Variants in CSMD1 observed in about 807,000 individuals in gnomAD.
The protein encoded by CSMD1 is CUB and sushi domain-containing protein 1.
CSMD1 carries 213 observed loss-of-function variants against 417.5 expected under a neutral mutation model. That is an observed-to-expected ratio of 0.51 (90% CI 0.46 to 0.57). The LOEUF is 0.57. Among genes scored for constraint, CSMD1 ranks in the 20% least tolerant of loss-of-function variants. The pLI is 0.00. For missense variants in CSMD1, 6,923 were observed against 4,529.7 expected (o/e 1.53, Z -15.17); for synonymous variants, 2,862 against 1,736.8 (o/e 1.65, Z -16.11).
At chr8:4,986,670 T>C (rs1811195236) in intron 1 of CSMD1, among the ~76,000 whole-genome samples, 3 of 152,050 alleles carry the variant, frequency 2.0e-5, no homozygotes, top group African/African-American at 7.2e-5. Flanking sequence ...CTCCCCATAA[T>C]ATAAACATTA....
intron 25 of CSMD1, among the ~76,000 whole-genome samples, chr8:3,291,200 T>G (rs1803531388): frequency 6.6e-6 from 1 of 152,186 alleles, no homozygotes; most frequent in Admixed American, 6.5e-5. Context: ...GGATAAACTT[T>G]TTGATGTATT....
At chr8:3,177,866 G>A (rs1585565240) in intron 37 of CSMD1, among the ~76,000 whole-genome samples, 1 of 142,034 alleles carries the variant, frequency 7.0e-6, no homozygotes, top group Non-Finnish European at 1.5e-5. Context: ...TCACACAGTT[G>A]CACTCTAAGA....
intron 26 of CSMD1, among the ~76,000 whole-genome samples, chr8:3,258,967 G>C (rs1800859352): frequency 6.6e-6 from 1 of 152,194 alleles, no homozygotes; most frequent in Non-Finnish European, 1.5e-5. Context: ...AAAAGGGAGA[G>C]GATCAGGAAA....
intron 25 of CSMD1, among the ~76,000 whole-genome samples, chr8:3,286,095 A>T (rs949172871): frequency 2.6e-5 from 4 of 151,896 alleles, no homozygotes; most frequent in Non-Finnish European, 5.9e-5. Flanking sequence ...TTTGTCCTTG[A>T]GATAGTTTGC....
chr8:4,711,614 A>G (rs1808303768), intron 1 of CSMD1, among the ~76,000 whole-genome samples: 1 of 152,190 alleles, frequency 6.6e-6, no homozygotes, highest in Non-Finnish European at 1.5e-5. Context: ...ATAGTCTGTA[A>G]GAGAATTATT....
At chr8:4,329,735 T>C (rs1799762600) in intron 3 of CSMD1, among the ~76,000 whole-genome samples, 1 of 152,176 alleles carries the variant, frequency 6.6e-6, no homozygotes, top group South Asian at 2.1e-4. Flanking sequence ...ATCTGGACTA[T>C]GGGAGCAGAT....
intron 3 of CSMD1, among the ~76,000 whole-genome samples, chr8:4,292,109 A>G (rs1375785300): frequency 6.6e-6 from 1 of 152,182 alleles, no homozygotes; most frequent in Admixed American, 6.5e-5. Flanking sequence ...AGGAACAATG[A>G]AGACCCTGGC....
chr8:3,289,157 C>G (rs1448709966), intron 25 of CSMD1, among the ~76,000 whole-genome samples: 4 of 147,544 alleles, frequency 2.7e-5, no homozygotes, highest in Non-Finnish European at 5.9e-5. Context: ...CACATGAACT[C>G]ATCATTTTTT....
chr8:3,553,880 A>G (rs889938617), intron 10 of CSMD1, among the ~76,000 whole-genome samples: 1 of 152,246 alleles, frequency 6.6e-6, no homozygotes, highest in Non-Finnish European at 1.5e-5. Flanking sequence ...GTACACATAC[A>G]TATCCACAAC....
At chr8:4,812,335 T>C (rs1442583258) in intron 1 of CSMD1, among the ~76,000 whole-genome samples, 1 of 152,206 alleles carries the variant, frequency 6.6e-6, no homozygotes, top group African/African-American at 2.4e-5. Context: ...CAAAGACAGA[T>C]GCTTCCAGTC....
chr8:3,333,019 C>G (rs1807009704), intron 23 of CSMD1, among the ~76,000 whole-genome samples: 1 of 152,192 alleles, frequency 6.6e-6, no homozygotes, highest in South Asian at 2.1e-4. Context: ...TGAGGGCTCC[C>G]CATGGCTTTG....
At chr8:4,635,221 T>C (rs1444429323) in intron 2 of CSMD1, among the ~76,000 whole-genome samples, 1 of 152,188 alleles carries the variant, frequency 6.6e-6, no homozygotes, top group Non-Finnish European at 1.5e-5. Context: ...AACATTCTGT[T>C]GTACATACAA....
At chr8:3,349,230 G>A (rs10086249) in intron 21 of CSMD1, among the ~76,000 whole-genome samples, 16,168 of 152,228 alleles carry the variant, frequency 0.11, 1,079 homozygotes, top group Non-Finnish European at 0.15. Flanking sequence ...AGGTACTGCA[G>A]AATTTTGCAG....
chr8:3,277,062 G>A (rs543962052), intron 26 of CSMD1, among the ~76,000 whole-genome samples: 56 of 152,204 alleles, frequency 3.7e-4, no homozygotes, highest in African/African-American at 1.3e-3. Context: ...GTGCAACAAG[G>A]CGGGGAAGGT....
chr8:3,396,721 T>C (rs1457261129), intron 16 of CSMD1, among the ~76,000 whole-genome samples: 1 of 152,130 alleles, frequency 6.6e-6, no homozygotes, highest in East Asian at 1.9e-4. Context: ...AAATAGATTA[T>C]TCCCAAATAG....
intron 7 of CSMD1, among the ~76,000 whole-genome samples, chr8:3,678,232 C>G (rs1317755638): frequency 3.3e-5 from 5 of 152,290 alleles, no homozygotes; most frequent in Non-Finnish European, 5.9e-5. Context: ...GATGATCAAA[C>G]TTCTCCGAGC....
chr8:3,432,659 G>A (rs991652501), intron 12 of CSMD1, among the ~76,000 whole-genome samples: 59 of 151,978 alleles, frequency 3.9e-4, no homozygotes, highest in Non-Finnish European at 1.6e-4. Context: ...GGGACTACAG[G>A]CGTGTGCCAC....
At chr8:4,646,540 G>C (rs1057368141) in intron 1 of CSMD1, among the ~76,000 whole-genome samples, 1 of 152,138 alleles carries the variant, frequency 6.6e-6, no homozygotes, top group African/African-American at 2.4e-5. Context: ...ACTAAAAAAG[G>C]TGTAAAACTA....
intron 5 of CSMD1, among the ~76,000 whole-genome samples, chr8:3,805,174 A>G (rs954817592): frequency 3.9e-5 from 6 of 152,170 alleles, no homozygotes; most frequent in East Asian, 3.9e-4. Context: ...AGAGACCACA[A>G]TATTCCCCAG....
Sources: gnomAD v4.1 joint callset for allele counts (sites outside exome capture counted in the v4.1 genomes callset) on GRCh38, gnomAD v4.1.1 for gene constraint, MANE v1.5 for transcripts, NCBI Gene and HGNC (gene_info 2026-07-23, HGNC 2026-07-21) for gene names.